The following TCF12 variants were observed in gnomAD, a reference collection of about 807,000 sequenced individuals.
The protein encoded by TCF12 is transcription factor 12.
Under a neutral mutation model 86.0 loss-of-function variants are expected in TCF12, and 45 were observed. The ratio of observed to expected loss-of-function variants is 0.52; its 90% confidence interval spans 0.41 to 0.67. The LOEUF (loss-of-function observed/expected upper bound fraction) is 0.67. Among genes scored for constraint, TCF12 ranks in the 30% least tolerant of loss-of-function variants. The probability of loss-of-function intolerance (pLI) is 0.00; values close to 1 mark genes in which losing one functional copy is unlikely to be tolerated. For missense variants in TCF12, 881 were observed against 859.9 expected (o/e 1.02, Z -0.31); for synonymous variants, 330 against 299.6 (o/e 1.10, Z -1.05).
At position 57,210,665 on chromosome 15, in the gene TCF12, A is replaced by G. The variant is rs115237148; in HGVS notation, c.579+12840A>G. 4.9e-3 allele frequency among the ~76,000 whole-genome samples: 741 copies of G among 152,286 alleles called. 8 individuals are homozygous for G. Among genetic ancestry groups the G allele is most frequent in the African/African-American group, 0.017 (712 of 41,540 alleles). ...TTATTCCCATTTTAACAACAGTAAT[A>G]CAGTTTGAACCTTTTTTATATAACA... On this transcript the variant is annotated intron_variant, in intron 8 of 20. Coordinates refer to ENST00000333725, the MANE Select transcript of TCF12 (RefSeq NM_207037.2).
intron 3 of TCF12, chr15:57,001,424 C>T (rs367827245): frequency 5.6e-6 from 1 of 178,810 alleles, no homozygotes. Context: ...TCTACTTACA[C>T]CACATTATTT....
rs539784099 is a variant in TCF12 at position 56,997,110 on chromosome 15, A to G, written c.149-66640A>G. Among the ~76,000 whole-genome samples the G allele has an allele frequency of 2.0e-4, 30 of 152,264 alleles. 1 individual carries two copies. Among genetic ancestry groups the G allele is most frequent in the Admixed American group, 1.4e-3 (22 of 15,306 alleles). On this transcript the variant is annotated intron_variant, in intron 3 of 20. Transcript: ENST00000333725. ...AGTTGAACTACCATTTGACCCAGCA[A>G]TCTCACTGCTGGGTATATACTCAAA...
chr15:57,078,044 G>A (rs890620648), intron 4 of TCF12, among the ~76,000 whole-genome samples: 3 of 152,144 alleles, frequency 2.0e-5, no homozygotes, highest in African/African-American at 4.8e-5. Context: ...GTGCTGGTAC[G>A]TAGTATGTAC....
chr15:56,944,824 T>A (rs2060926145), intron 3 of TCF12, among the ~76,000 whole-genome samples: 1 of 152,034 alleles, frequency 6.6e-6, no homozygotes, highest in South Asian at 2.1e-4. Flanking sequence ...TAAGTATAAG[T>A]GTTTGGAGGA....
intron 6 of TCF12, among the ~76,000 whole-genome samples, chr15:57,168,174 A>T (rs2151553358): frequency 6.6e-6 from 1 of 152,286 alleles, no homozygotes; most frequent in South Asian, 2.1e-4. Context: ...AACAAGCAAA[A>T]CAATGGCCAT....
At chr15:56,984,877 T>C (rs2063106909) in intron 3 of TCF12, among the ~76,000 whole-genome samples, 1 of 152,226 alleles carries the variant, frequency 6.6e-6, no homozygotes, top group Non-Finnish European at 1.5e-5. Context: ...GCTTGTACTT[T>C]TGTTTGTTAA....
intron 4 of TCF12, among the ~76,000 whole-genome samples, chr15:57,075,853 T>G (rs976586790): frequency 1.2e-4 from 16 of 135,420 alleles, no homozygotes; most frequent in East Asian, 2.5e-4. Flanking sequence ...CTTTCTTTCT[T>G]TCTTTCTTTC....
At chr15:57,263,491 C>A (rs1477834171) in intron 18 of TCF12, among the ~76,000 whole-genome samples, 1 of 152,006 alleles carries the variant, frequency 6.6e-6, no homozygotes, top group Non-Finnish European at 1.5e-5. Flanking sequence ...CATACTATAC[C>A]ATTTGAGGGA....
intron 6 of TCF12, 105 bp from the exon 7 acceptor site, chr15:57,192,053 G>T (rs2057008672): frequency 7.4e-7 from 1 of 1,343,430 alleles, no homozygotes; most frequent in African/African-American, 1.5e-5. Flanking sequence ...TGCGTTCTAA[G>T]TTAAGACATT....
chr15:56,928,528 C>G (rs1433161705), intron 3 of TCF12, among the ~76,000 whole-genome samples: 1 of 152,058 alleles, frequency 6.6e-6, no homozygotes, highest in Non-Finnish European at 1.5e-5. Flanking sequence ...GTCAGAGTTG[C>G]TTTTAGTGCC....
chr15:56,938,836 T>C (rs62025331), intron 3 of TCF12, among the ~76,000 whole-genome samples: 58,859 of 151,950 alleles, frequency 0.39, 14,197 homozygotes, highest in Non-Finnish European at 0.53. Flanking sequence ...AAACATTCAG[T>C]CCATAACACA....
Position 57,264,589 on chromosome 15 carries a change from AAC to A in TCF12, c.1745+1321_1745+1322del, listed in dbSNP as rs532381722. On this transcript the variant is annotated intron_variant, in intron 18 of 20. Transcript: ENST00000333725. ...CTTTTTTGTTAAAAACTAAGACACAAACACACATGTTAGCCTAGGCCTACACA... is the reference window on the plus strand; with the variant it reads ...CTTTTTTGTTAAAAACTAAGACACAAACACATGTTAGCCTAGGCCTACACA... 9.5e-4 allele frequency among the ~76,000 whole-genome samples: 144 copies of A among 152,244 alleles called. 1 individual carries two copies. The highest frequency in any genetic ancestry group is 3.1e-3 in the African/African-American group (129 of 41,530).
chr15:57,253,421 A>G lies in TCF12; in HGVS notation c.1420A>G (p.Asn474Asp), dbSNP rs2060208736. The G allele has an allele frequency of 1.2e-6, 2 of 1,613,974 alleles. No homozygotes were observed. The highest frequency in any genetic ancestry group is 3.3e-5 in the Admixed American group (2 of 59,992). ...TGCACCAATTGGAAGCCTCAATTCA[A>G]ACTATGGAGGATCAAGCCTTGTTGC... is the stretch of plus-strand genomic sequence containing the variant. The part of the protein sequence containing the change: ...HNAPIGSLNS[N>D]YGGSSLVASS... Residue 474 changes from asparagine (N) to aspartate (D), a missense_variant, in exon 16 of 21, where the codon AAC becomes GAC. Asn to Asp is a conservative substitution (Grantham distance 23). Around this residue, in one of 3 missense-constraint regions of TCF12, gnomAD observed 766 missense variants for 718.9 expected, o/e 1.07. Transcript: ENST00000333725.
chr15:57,200,327 G>C (rs1026405894), intron 8 of TCF12, among the ~76,000 whole-genome samples: 1 of 152,060 alleles, frequency 6.6e-6, no homozygotes, highest in Non-Finnish European at 1.5e-5. Context: ...AGGTTATACT[G>C]TTTACCTTCT....
intron 3 of TCF12, among the ~76,000 whole-genome samples, chr15:56,996,546 A>C (rs554651899): frequency 4.6e-5 from 7 of 152,214 alleles, no homozygotes; most frequent in African/African-American, 1.7e-4. Context: ...TCCTGTACGA[A>C]AACCTGGAAA....
intron 13 of TCF12, among the ~76,000 whole-genome samples, chr15:57,250,259 A>G (rs1208598016): frequency 6.6e-6 from 1 of 152,170 alleles, no homozygotes; most frequent in East Asian, 1.9e-4. Flanking sequence ...TAGTAAGGCA[A>G]TTTGTCCTTA....
intron 13 of TCF12, among the ~76,000 whole-genome samples, chr15:57,244,560 A>G (rs1231266866): frequency 1.3e-5 from 2 of 152,172 alleles, no homozygotes; most frequent in African/African-American, 2.4e-5. Flanking sequence ...CCTGGGCTCA[A>G]GGGATTCTCC....
chr15:57,010,660 C>T (rs770958392), intron 3 of TCF12, among the ~76,000 whole-genome samples: 6 of 152,012 alleles, frequency 3.9e-5, no homozygotes, highest in Admixed American at 2.0e-4. Flanking sequence ...TTGTTACTGC[C>T]TAATTTGCTG....
intron 5 of TCF12, among the ~76,000 whole-genome samples, chr15:57,099,674 A>G (rs1175971367): frequency 1.3e-5 from 2 of 152,130 alleles, no homozygotes; most frequent in Admixed American, 1.3e-4. Flanking sequence ...GTAATCCATT[A>G]GTGACTTTAT....
Sources: gnomAD v4.1 joint callset for allele counts (sites outside exome capture counted in the v4.1 genomes callset) on GRCh38, gnomAD v4.1.1 for gene constraint, gnomAD v4.1.1 regional missense constraint, MANE v1.5 for transcripts, NCBI Gene and HGNC (gene_info 2026-07-23, HGNC 2026-07-21) for gene names.